Variants in GATAD2A observed in about 807,000 individuals in gnomAD.
The protein encoded by GATAD2A is GATA zinc finger domain containing 2A, also known as transcriptional repressor p66-alpha.
A neutral mutation model predicts 68.5 loss-of-function variants in GATAD2A; 12 were observed. The ratio of observed to expected loss-of-function variants is 0.18; its 90% CI spans 0.11 to 0.28. The LOEUF is 0.28. Ranked by LOEUF, GATAD2A falls within the 10% of genes least tolerant of loss-of-function variation. GATAD2A has a pLI of 1.00. For synonymous variants in GATAD2A, 410 were observed against 375.3 expected (o/e 1.09, Z -1.07); for missense variants, 755 against 868.5 (o/e 0.87, Z 1.64).
chr19:19,488,179 C>T (rs1056682207), intron 2 of GATAD2A, among the ~76,000 whole-genome samples: 8 of 152,198 alleles, frequency 5.3e-5, no homozygotes, highest in African/African-American at 1.7e-4. Context: ...GCTGCTATGG[C>T]GGTGACAGCG....
intron 2 of GATAD2A, among the ~76,000 whole-genome samples, chr19:19,491,767 G>A (rs991583323): frequency 6.6e-6 from 1 of 152,236 alleles, no homozygotes. Context: ...GCTGCCAGGT[G>A]TGAGGGCTTT....
At chr19:19,397,355 G>A (rs1378337662) in intron 1 of GATAD2A, among the ~76,000 whole-genome samples, 1 of 151,822 alleles carries the variant, frequency 6.6e-6, no homozygotes, top group African/African-American at 2.4e-5. Context: ...CGATTCTCCT[G>A]CCTCAGCAGG....
upstream of GATAD2A, among the ~76,000 whole-genome samples, chr19:19,405,234 G>GCC (rs920727857): frequency 6.6e-6 from 1 of 152,164 alleles, no homozygotes; most frequent in Non-Finnish European, 1.5e-5. Context: ...TCCACACCCC[G>GCC]CCCTCCCCAC....
At chr19:19,467,133 T>C (rs1038513083) in intron 2 of GATAD2A, among the ~76,000 whole-genome samples, 1 of 152,190 alleles carries the variant, frequency 6.6e-6, no homozygotes, top group African/African-American at 2.4e-5. Context: ...CCCAGCACTT[T>C]AGGGGGCCGA....
At chr19:19,415,799 G>A (rs1475830877) in intron 1 of GATAD2A, among the ~76,000 whole-genome samples, 1 of 151,748 alleles carries the variant, frequency 6.6e-6, no homozygotes, top group African/African-American at 2.4e-5. Flanking sequence ...TGTATTTTTG[G>A]TAGAGACAGG....
In GATAD2A at chr19:19,501,375, A is replaced by G; in HGVS notation, c.1462A>G (p.Lys488Glu). Residue 488 changes from lysine to glutamate, a missense_variant, in exon 9 of 12, where the codon AAG becomes GAG. By Grantham distance (56) the Lys-to-Glu change is moderately conservative. Transcript: ENST00000683918. ...GCAGGGCACGGCCCCTGCACAGGCC[A>G]AGGCCGAGCCCACCGCTGCCCCACA... ...LQQGTAPAQA[K>E]AEPTAAPHPV... The G allele has an allele frequency of 6.2e-7, 1 of 1,609,552 alleles. No homozygotes were observed. The highest frequency in any genetic ancestry group is 8.5e-7 in the Non-Finnish European group (1 of 1,178,614).
chr19:19,411,377 C>T (rs1358501705), intron 1 of GATAD2A, among the ~76,000 whole-genome samples: 7 of 152,224 alleles, frequency 4.6e-5, no homozygotes, highest in Non-Finnish European at 1.5e-5. Flanking sequence ...ATCCGGACTT[C>T]CATCTGTGAG....
intron 1 of GATAD2A, among the ~76,000 whole-genome samples, chr19:19,415,122 G>A (rs1300447115): frequency 1.6e-5 from 2 of 126,448 alleles, no homozygotes; most frequent in Non-Finnish European, 3.2e-5. Context: ...AAAAACTGTA[G>A]TAGTGTTGAG....
intron 2 of GATAD2A, among the ~76,000 whole-genome samples, chr19:19,466,703 TCTGAGGAAATATA>T (rs1306608148): frequency 6.6e-6 from 1 of 152,222 alleles, no homozygotes. Context: ...AGCCTCCTAG[TCTGAGGAAATATA>T]CTTTGTAGTC....
rs147825029 is a variant in GATAD2A at position 19,498,673 on chromosome 19, C to A, written c.1155C>A (p.Ile385=). The change falls in exon 8 of 12, where the codon ATC becomes ATA. Residue 385 remains isoleucine, a synonymous_variant. Transcript: ENST00000683918. ...CCAGCGCCGCCAACAACGAGTTCAT[C>A]TACCTGGTCGGCCTGGAGGAGGTGG... ...FLPSAANNEF[I]YLVGLEEVVQ... is the part of the protein sequence containing the mutation. 8 of 1,613,794 alleles carry A rather than the reference C, an allele frequency of 5.0e-6. No homozygotes were observed. In the African/African-American group the frequency reaches 1.1e-4, roughly 22 times the overall value.
chr19:19,397,447 A>T (rs1031567163), intron 1 of GATAD2A, among the ~76,000 whole-genome samples: 5 of 151,884 alleles, frequency 3.3e-5, no homozygotes, highest in African/African-American at 1.2e-4. Flanking sequence ...CTGGTCTCGA[A>T]CTCCCGACCT....
chr19:19,490,417 G>GTCAGGTTCT (rs2059711716), intron 2 of GATAD2A, among the ~76,000 whole-genome samples: 2 of 152,164 alleles, frequency 1.3e-5, no homozygotes, highest in Admixed American at 6.5e-5. Flanking sequence ...CTAGAGCAGA[G>GTCAGGTTCT]TCAGGTTCTT....
At chr19:19,390,955 G>A (rs2048805126) in intron 1 of GATAD2A, among the ~76,000 whole-genome samples, 1 of 152,136 alleles carries the variant, frequency 6.6e-6, no homozygotes, top group Non-Finnish European at 1.5e-5. Flanking sequence ...CCCACGAGGA[G>A]ATCAGAATGC....
intron 1 of GATAD2A, among the ~76,000 whole-genome samples, chr19:19,435,950 G>C (rs2054288713): frequency 6.6e-6 from 1 of 152,226 alleles, no homozygotes; most frequent in Non-Finnish European, 1.5e-5. Flanking sequence ...TCATACCTCA[G>C]AGATCAGTAG....
chr19:19,433,811 G>A (rs2054016715), intron 1 of GATAD2A, among the ~76,000 whole-genome samples: 2 of 152,142 alleles, frequency 1.3e-5, no homozygotes, highest in Admixed American at 1.3e-4. Context: ...GTCTTGCTCT[G>A]TTGCCCAGGC....
At chr19:19,452,414 A>T (rs897645712) in intron 1 of GATAD2A, among the ~76,000 whole-genome samples, 1 of 152,070 alleles carries the variant, frequency 6.6e-6, no homozygotes, top group African/African-American at 2.4e-5. Flanking sequence ...GGCACCTTCA[A>T]CAGGACGGAA....
intron 1 of GATAD2A, among the ~76,000 whole-genome samples, chr19:19,439,546 C>G (rs1030269947): frequency 6.6e-6 from 1 of 152,098 alleles, no homozygotes; most frequent in Admixed American, 6.6e-5. Flanking sequence ...GTATTTGCAA[C>G]ATCTAGCAAA....
At chr19:19,388,308 C>T (rs1481355268) in intron 1 of GATAD2A, among the ~76,000 whole-genome samples, 4 of 152,038 alleles carry the variant, frequency 2.6e-5, no homozygotes, top group Admixed American at 2.0e-4. Context: ...CCGCCGGCCT[C>T]GGCCTCCCAA....
At position 19,498,602 on chromosome 19, in the gene GATAD2A, G is replaced by A; in HGVS notation, c.1084G>A (p.Glu362Lys). The A allele has an allele frequency of 1.9e-6, 3 of 1,613,804 alleles. No individual in the cohort carries two copies. Among genetic ancestry groups the A allele is most frequent in the South Asian group, 1.1e-5 (1 of 91,086 alleles). The change falls in exon 8 of 12, where the codon GAG (glutamate) becomes AAG (lysine). Residue 362 changes from glutamate to lysine, a missense_variant. By Grantham distance (56) the Glu-to-Lys change is moderately conservative. Transcript: ENST00000683918. Reference sequence around the variant, plus strand: ...CAAACAGCTGGAGAAGACGCTACTCGAGATCCCCCCACCCAAGCCCCCAGC... The same window carrying A: ...CAAACAGCTGGAGAAGACGCTACTCAAGATCCCCCCACCCAAGCCCCCAGC... ...LRKQLEKTLL[E>K]IPPPKPPAPE...
Sources: gnomAD v4.1 joint callset for allele counts (sites outside exome capture counted in the v4.1 genomes callset) on GRCh38, gnomAD v4.1.1 for gene constraint, MANE v1.5 for transcripts, NCBI Gene and HGNC (gene_info 2026-07-23, HGNC 2026-07-21) for gene names.